The following TSPAN12 variants were observed in gnomAD, a reference collection of about 807,000 sequenced individuals.
TSPAN12 encodes tetraspanin 12.
In TSPAN12, 19 loss-of-function variants were observed where a neutral mutation model predicts 39.2. The observed-to-expected ratio is 0.49, with a 90% CI of 0.34 to 0.71. The LOEUF (loss-of-function observed/expected upper bound fraction) is 0.71. Ranked by LOEUF, TSPAN12 falls within the 30% of genes least tolerant of loss-of-function variation. The pLI is 0.01. For synonymous variants in TSPAN12, 119 were observed against 124.8 expected, an observed-to-expected ratio of 0.95 and a Z score of 0.31; for missense variants, 314 against 359.9, an observed-to-expected ratio of 0.87 and a Z score of 1.03.
intron 6 of TSPAN12, among the ~76,000 whole-genome samples, chr7:120,809,812 T>C (rs1793943110): frequency 1.3e-5 from 2 of 152,136 alleles, no homozygotes; most frequent in South Asian, 2.1e-4. Context: ...AGGTAAGAAA[T>C]GCTAAACGCA....
intron 5 of TSPAN12, among the ~76,000 whole-genome samples, chr7:120,812,494 A>G (rs528541133): frequency 6.6e-6 from 1 of 152,354 alleles, no homozygotes; most frequent in South Asian, 2.1e-4. Flanking sequence ...ACTAGAGATT[A>G]GGATTATTAT....
At chr7:120,821,066 A>G (rs1282335455) in intron 4 of TSPAN12, among the ~76,000 whole-genome samples, 1 of 152,188 alleles carries the variant, frequency 6.6e-6, no homozygotes, top group Non-Finnish European at 1.5e-5. Context: ...GAATGAATAA[A>G]TGTGTGTCTA....
rs560881849 is a variant in TSPAN12, at chr7:120,843,855, G to A, written c.67-3746C>T. Among the ~76,000 whole-genome samples, 6 of 152,314 alleles carry A rather than the reference G, an allele frequency of 3.9e-5. No individual in the cohort carries two copies. In the South Asian group the frequency reaches 1.2e-3, roughly 32 times the overall value. On this transcript the variant is annotated intron_variant, in intron 2 of 7. Transcript: ENST00000222747. The stretch of plus-strand genomic sequence containing the variant: ...ATGTTCTCCCTCTACTTGGCTATAT[G>A]TGGGTCCTTAAAACCTTGTAAGTAT...
chr7:120,837,533 T>C (rs1428694305), intron 4 of TSPAN12, among the ~76,000 whole-genome samples: 4 of 152,096 alleles, frequency 2.6e-5, no homozygotes, highest in Non-Finnish European at 4.4e-5. Flanking sequence ...AGGATGGTCT[T>C]GATTTCTTGA....
At chr7:120,799,515 TA>T in intron 7 of TSPAN12, among the ~76,000 whole-genome samples, 1 of 103,954 alleles carries the variant, frequency 9.6e-6, no homozygotes, top group African/African-American at 3.9e-5. Flanking sequence ...ATTAATTATA[TA>T]TAATTAATTA....
intron 7 of TSPAN12, among the ~76,000 whole-genome samples, chr7:120,803,924 A>T (rs1412012302): frequency 6.6e-6 from 1 of 152,200 alleles, no homozygotes; most frequent in Non-Finnish European, 1.5e-5. Context: ...ATAAAATTAT[A>T]TTAAATGTTT....
At chr7:120,815,476 G>C (rs1794061465) in intron 5 of TSPAN12, among the ~76,000 whole-genome samples, 1 of 146,114 alleles carries the variant, frequency 6.8e-6, no homozygotes, top group Non-Finnish European at 1.5e-5. Flanking sequence ...TTTATAAGGG[G>C]CTCTTCCCCC....
chr7:120,815,347 C>T (rs961463810), intron 5 of TSPAN12, among the ~76,000 whole-genome samples: 25 of 152,138 alleles, frequency 1.6e-4, no homozygotes, highest in Admixed American at 2.0e-4. Context: ...CATCTTGAGT[C>T]GTAATCCCCC....
At chr7:120,834,086 A>T (rs1244382440) in intron 4 of TSPAN12, among the ~76,000 whole-genome samples, 1 of 152,144 alleles carries the variant, frequency 6.6e-6, no homozygotes, top group Non-Finnish European at 1.5e-5. Flanking sequence ...ATACATAAAA[A>T]TTTCTGTTCT....
chr7:120,852,508 C>T (rs997536895), intron 2 of TSPAN12, among the ~76,000 whole-genome samples: 1 of 152,158 alleles, frequency 6.6e-6, no homozygotes, highest in Non-Finnish European at 1.5e-5. Flanking sequence ...GGCACTCAGA[C>T]CAGCAACATT....
At chr7:120,852,549 C>A (rs1794789335) in intron 2 of TSPAN12, among the ~76,000 whole-genome samples, 1 of 152,206 alleles carries the variant, frequency 6.6e-6, no homozygotes, top group Non-Finnish European at 1.5e-5. Context: ...TAGAAATGCA[C>A]TCTCAGATAG....
chr7:120,817,733 T>G (rs1359369395), intron 4 of TSPAN12, among the ~76,000 whole-genome samples: 1 of 152,010 alleles, frequency 6.6e-6, no homozygotes, highest in Non-Finnish European at 1.5e-5. Context: ...TCTCTGAAAA[T>G]CATCCTACTA....
intron 4 of TSPAN12, among the ~76,000 whole-genome samples, chr7:120,831,452 AC>A (rs1249865081): frequency 6.6e-6 from 1 of 152,102 alleles, no homozygotes; most frequent in Admixed American, 6.6e-5. Flanking sequence ...ACAACAGAAT[AC>A]TATACAGCCC....
chr7:120,788,458 A>G lies in TSPAN12; in HGVS notation c.*134T>C, dbSNP rs1793450893. On this transcript the variant is annotated 3_prime_UTR_variant, in exon 8 of 8. Transcript: ENST00000222747. The stretch of plus-strand genomic sequence containing the variant: ...CTTTTCCATCCTCATTTTAAAGCAT[A>G]GAATAGTATATGCTTAGGTGTTATT... The G allele has an allele frequency of 9.4e-7, 1 of 1,068,964 alleles. No individual in the cohort carries two copies. The highest frequency in any genetic ancestry group is 1.5e-5 in the South Asian group (1 of 67,776). 66.2% of individuals were successfully genotyped at this position (1,068,964 alleles called of 1,614,324 possible). A position where few individuals can be genotyped will look rare whatever the true frequency, so the allele number is the denominator to read the frequency against.
chr7:120,806,449 T>G (rs376349995), intron 7 of TSPAN12, 100 bp downstream of exon 7: 11 of 1,412,750 alleles, frequency 7.8e-6, no homozygotes, highest in Middle Eastern at 2.5e-4. Flanking sequence ...CCTTTTACAT[T>G]TAGACAGAGA....
chr7:120,792,756 TAAAC>T (rs1793555776), intron 7 of TSPAN12, among the ~76,000 whole-genome samples: 1 of 152,090 alleles, frequency 6.6e-6, no homozygotes, highest in Non-Finnish European at 1.5e-5. Context: ...AACCGACAAA[TAAAC>T]ACAGCAAACG....
At chr7:120,806,046 TAATC>T (rs1465135755) in intron 7 of TSPAN12, among the ~76,000 whole-genome samples, 1 of 152,098 alleles carries the variant, frequency 6.6e-6, no homozygotes, top group Non-Finnish European at 1.5e-5. Context: ...GCATAAAACT[TAATC>T]AGTGAACTAA....
At chr7:120,820,144 G>C (rs1373174093) in intron 4 of TSPAN12, among the ~76,000 whole-genome samples, 2 of 152,072 alleles carry the variant, frequency 1.3e-5, no homozygotes, top group African/African-American at 4.8e-5. Flanking sequence ...AGTTTGCAAA[G>C]CAACTCACCC....
chr7:120,819,967 G>A (rs927666954), intron 4 of TSPAN12, among the ~76,000 whole-genome samples: 2 of 152,190 alleles, frequency 1.3e-5, no homozygotes, highest in African/African-American at 4.8e-5. Flanking sequence ...GCTGAGCTGT[G>A]TTGTGATATG....
Sources: allele counts gnomAD v4.1 joint callset (sites outside exome capture counted in the v4.1 genomes callset), GRCh38; gene constraint gnomAD v4.1.1; transcripts MANE v1.5; gene names NCBI Gene and HGNC (gene_info 2026-07-23, HGNC 2026-07-21).